The following TCF12 variants were observed in gnomAD, a reference collection of about 807,000 sequenced individuals.
TCF12 encodes the protein DNA-binding protein HTF4.
TCF12 carries 45 observed loss-of-function variants against 86.0 expected under a neutral mutation model. The observed-to-expected ratio is 0.52, with a 90% CI of 0.41 to 0.67. TCF12 has a LOEUF of 0.67. Ranked by LOEUF, TCF12 falls within the 30% of genes least tolerant of loss-of-function variation. The probability of loss-of-function intolerance (pLI) is 0.00; values close to 1 mark genes in which losing one functional copy is unlikely to be tolerated. For synonymous variants in TCF12, 330 were observed against 299.6 expected, an observed-to-expected ratio of 1.10 and a Z score of -1.05; for missense variants, 881 against 859.9, an observed-to-expected ratio of 1.02 and a Z score of -0.31.
Position 57,263,073 on chromosome 15 carries a change from C to T in TCF12, c.1583-39C>T, listed in dbSNP as rs780810865. The T allele has an allele frequency of 2.5e-6, 4 of 1,572,658 alleles. No homozygotes were observed. In the Admixed American group the frequency reaches 8.4e-5, roughly 33 times the overall value. ...TCTTAGCTGTAATTCATATATGAGT[C>T]TCGTCTTTTATTTTATCTTTCCTTT... On this transcript the variant is annotated intron_variant, in intron 17 of 20. Coordinates refer to ENST00000333725, the MANE Select transcript of TCF12 (RefSeq NM_207037.2).
At chr15:57,233,019 GTATATATGTGTGTA>G (rs2059216753) in intron 11 of TCF12, among the ~76,000 whole-genome samples, 163 bp downstream of exon 11, 5 of 118,422 alleles carry the variant, frequency 4.2e-5, no homozygotes, top group Non-Finnish European at 1.1e-4. Context: ...TGTTATATAT[GTATATATGTGTGTA>G]TATATGTTAT....
At chr15:57,165,078 G>T (rs75458567) in intron 5 of TCF12, among the ~76,000 whole-genome samples, 1 of 151,790 alleles carries the variant, frequency 6.6e-6, no homozygotes, top group Non-Finnish European at 1.5e-5. Flanking sequence ...CTGAAAGTTC[G>T]CATCCTTTAA....
In TCF12 at chr15:57,218,945, A is replaced by G. The variant is rs891690394; in HGVS notation, c.580-12207A>G. 1.1e-5 allele frequency: 9 copies of G among 792,132 alleles called. No homozygotes were observed. In the African/African-American group the frequency reaches 1.5e-4, roughly 13 times the overall value. 49.1% of individuals were successfully genotyped at this position (792,132 alleles called of 1,614,324 possible). On this transcript the variant is annotated intron_variant, in intron 8 of 20. Coordinates refer to ENST00000333725, the MANE Select transcript of TCF12 (RefSeq NM_207037.2). ...TGCTTTCTCCAGGAAGTGATTTTGT[A>G]CAAGATTTAACTGTCTAGATCCTTC...
At chr15:57,088,793 G>A (rs552099556) in intron 4 of TCF12, among the ~76,000 whole-genome samples, 18 of 151,854 alleles carry the variant, frequency 1.2e-4, no homozygotes, top group Non-Finnish European at 1.3e-4. Context: ...ATCTCTACTC[G>A]TTTGATAAGA....
intron 8 of TCF12, among the ~76,000 whole-genome samples, chr15:57,229,223 AAC>A (rs2059021091): frequency 6.6e-6 from 1 of 152,008 alleles, no homozygotes; most frequent in South Asian, 2.1e-4. Context: ...CTTTCCTGAA[AAC>A]CTTATCTGCC....
At chr15:57,029,933 TGG>T (rs1239394703) in intron 3 of TCF12, among the ~76,000 whole-genome samples, 1 of 152,226 alleles carries the variant, frequency 6.6e-6, no homozygotes, top group Non-Finnish European at 1.5e-5. Context: ...TATTGCTGAG[TGG>T]TGTTACGTTA....
chr15:56,997,734 C>T (rs536035609), intron 3 of TCF12, among the ~76,000 whole-genome samples: 25 of 152,180 alleles, frequency 1.6e-4, no homozygotes, highest in Non-Finnish European at 2.6e-4. Context: ...TCAGTAATTA[C>T]GTTGAATTTT....
chr15:57,151,713 C>T (rs1229119597), intron 5 of TCF12, among the ~76,000 whole-genome samples: 2 of 151,510 alleles, frequency 1.3e-5, no homozygotes, highest in Non-Finnish European at 2.9e-5. Flanking sequence ...TGCAGTGAGC[C>T]GAGATCATGC....
intron 6 of TCF12, among the ~76,000 whole-genome samples, chr15:57,171,024 G>A (rs1476780328): frequency 1.3e-5 from 2 of 150,042 alleles, no homozygotes; most frequent in African/African-American, 2.5e-5. Flanking sequence ...CAACTCCTCT[G>A]TGTATGCCAA....
chr15:57,264,194 G>GTTTTTTTTT (rs1567013145), intron 18 of TCF12, among the ~76,000 whole-genome samples: 2 of 15,458 alleles, frequency 1.3e-4, no homozygotes, highest in East Asian at 3.3e-3. Flanking sequence ...TCTTTTGTAA[G>GTTTTTTTTT]CTTTTTTTTT....
At chr15:57,195,427 C>T (rs2151729824) in intron 7 of TCF12, among the ~76,000 whole-genome samples, 2 of 152,312 alleles carry the variant, frequency 1.3e-5, no homozygotes, top group South Asian at 4.1e-4. Context: ...AGGGGCAGTT[C>T]AGTTGACTGT....
chr15:57,248,850 G>A (rs540189415), intron 13 of TCF12, among the ~76,000 whole-genome samples: 19 of 152,256 alleles, frequency 1.2e-4, no homozygotes, highest in African/African-American at 4.3e-4. Flanking sequence ...GTAATTCAGT[G>A]TGCACATCTT....
At chr15:57,220,672 T>C (rs1292047756) in intron 8 of TCF12, among the ~76,000 whole-genome samples, 1 of 151,894 alleles carries the variant, frequency 6.6e-6, no homozygotes, top group Non-Finnish European at 1.5e-5. Context: ...CAAAAAAATC[T>C]ATAAGCCAGA....
intron 3 of TCF12, among the ~76,000 whole-genome samples, chr15:56,963,331 T>G (rs946439889): frequency 2.9e-4 from 44 of 152,176 alleles, no homozygotes; most frequent in Admixed American, 1.4e-3. Flanking sequence ...CTGGCTGTGG[T>G]TTTTCCACAT....
chr15:57,073,669 CA>C (rs1488863589), intron 4 of TCF12, among the ~76,000 whole-genome samples: 1 of 152,178 alleles, frequency 6.6e-6, no homozygotes, highest in Non-Finnish European at 1.5e-5. Flanking sequence ...TTGCATTTGC[CA>C]AATTATAAAA....
intron 10 of TCF12, 45 bp from the exon 11 acceptor site, chr15:57,232,667 T>TTATTCAGAAATA: frequency 6.3e-7 from 1 of 1,574,918 alleles, no homozygotes; most frequent in Non-Finnish European, 8.6e-7. Flanking sequence ...TATGTGAATA[T>TTATTCAGAAATA]TATTCAGAAA....
At chr15:57,167,006 C>G (rs149968216) in intron 6 of TCF12, among the ~76,000 whole-genome samples, 1 of 152,226 alleles carries the variant, frequency 6.6e-6, no homozygotes, top group African/African-American at 2.4e-5. Flanking sequence ...GACTGAGAAT[C>G]CTGAACACAC....
intron 3 of TCF12, among the ~76,000 whole-genome samples, chr15:56,979,375 A>G (rs1256353444): frequency 6.6e-6 from 1 of 152,132 alleles, no homozygotes; most frequent in African/African-American, 2.4e-5. Context: ...GAGCCCCCAA[A>G]CAAAATTATT....
chr15:57,198,407 T>G (rs10518898), intron 8 of TCF12, among the ~76,000 whole-genome samples: 1 of 152,092 alleles, frequency 6.6e-6, no homozygotes, highest in Non-Finnish European at 1.5e-5. Context: ...GCAACTAGTT[T>G]GTTGATCCCT....
Sources: allele counts gnomAD v4.1 joint callset (sites outside exome capture counted in the v4.1 genomes callset), GRCh38; gene constraint gnomAD v4.1.1; transcripts MANE v1.5; gene names NCBI Gene and HGNC (gene_info 2026-07-23, HGNC 2026-07-21).